Variants in SAMD13 observed in about 807,000 individuals in gnomAD.
The protein encoded by SAMD13 is sterile alpha motif domain-containing protein 13.
In SAMD13, 9 loss-of-function variants were observed where a neutral mutation model predicts 12.4. The observed-to-expected ratio is 0.72, with a 90% CI of 0.44 to 1.26. SAMD13 has a LOEUF of 1.26. Ranked by LOEUF, SAMD13 falls within the 50% of genes most tolerant of loss-of-function variation. The pLI is 0.00. For missense variants in SAMD13, 84 were observed against 119.6 expected, an observed-to-expected ratio of 0.70 and a Z score of 1.39; for synonymous variants, 46 against 45.4, an observed-to-expected ratio of 1.01 and a Z score of -0.05.
At chr1:84,314,371 G>A (rs1272340582) in intron 2 of SAMD13, among the ~76,000 whole-genome samples, 4 of 152,116 alleles carry the variant, frequency 2.6e-5, no homozygotes, top group Non-Finnish European at 4.4e-5. Flanking sequence ...ATGGGAAACC[G>A]ATTGAAGTAA....
intron 2 of SAMD13, among the ~76,000 whole-genome samples, chr1:84,305,693 G>A (rs975695790): frequency 2.0e-5 from 3 of 152,126 alleles, no homozygotes; most frequent in Non-Finnish European, 2.9e-5. Flanking sequence ...TGAGATAAGG[G>A]TTTGAAGGGT....
Position 84,320,756 on chromosome 1 carries a change from C to A in SAMD13, c.54-4881C>A, listed in dbSNP as rs552173164. 2.0e-5 allele frequency among the ~76,000 whole-genome samples: 3 copies of A among 152,152 alleles called. No individual in the cohort carries two copies. In the South Asian group the frequency reaches 6.2e-4, roughly 32 times the overall value. ...GTGTAAAAATAAGTAACAGAATTAG[C>A]CTTATAAAAAAAGTAATGTGGCAAA... On this transcript the variant is annotated intron_variant, in intron 2 of 3. Coordinates refer to ENST00000394834, the MANE Select transcript of SAMD13 (RefSeq NM_001134663.2).
chr1:84,315,642 T>C (rs1408850676), intron 2 of SAMD13, among the ~76,000 whole-genome samples: 1 of 152,152 alleles, frequency 6.6e-6, no homozygotes, highest in African/African-American at 2.4e-5. Flanking sequence ...ATTTCAGTTG[T>C]TTCCATATCT....
Position 84,350,614 on chromosome 1 carries a change from A to C in SAMD13, c.*840A>C, listed in dbSNP as rs552006168. ...ATATTTTTATATATATTCCTTCATG[A>C]TGGTGTAATTTTTTTTAATTGTCCT... On this transcript the variant is annotated 3_prime_UTR_variant, in exon 4 of 4. Coordinates refer to ENST00000394834, the MANE Select transcript of SAMD13 (RefSeq NM_001134663.2). 6.6e-6 allele frequency: 1 copy of C among 152,480 alleles called. No individual in the cohort carries two copies. The highest frequency in any genetic ancestry group is 2.1e-4 in the South Asian group (1 of 4,792). The allele number at this position is 152,480 out of a possible 1,614,324, so 9.4% of individuals were successfully genotyped here. A position where few individuals can be genotyped will look rare whatever the true frequency, so the allele number is the denominator to read the frequency against.
At position 84,349,833 on chromosome 1, in the gene SAMD13, T is replaced by A; in HGVS notation, c.*59T>A. On this transcript the variant is annotated 3_prime_UTR_variant, in exon 4 of 4. Coordinates refer to ENST00000394834, the MANE Select transcript of SAMD13 (RefSeq NM_001134663.2). ...TACATAATGACATAATTTAGTTTCA[T>A]GTAATGAAACTTTGTAAACAGAATA... 1.9e-6 allele frequency: 3 copies of A among 1,564,808 alleles called. No individual in the cohort carries two copies. Among genetic ancestry groups the A allele is most frequent in the Non-Finnish European group, 2.6e-6 (3 of 1,157,828 alleles).
rs181683738 is a variant in SAMD13, at chr1:84,337,069, C to T, written c.165+11321C>T. ...TCCCATGGTCTTGGACAGCTCTGCC[C>T]CTGTGGCTATGCAGGGTACAGCCTC... On this transcript the variant is annotated intron_variant, in intron 3 of 3. Coordinates refer to ENST00000394834, the MANE Select transcript of SAMD13 (RefSeq NM_001134663.2). Among the ~76,000 whole-genome samples the T allele has an allele frequency of 2.3e-3, 350 of 152,308 alleles. 1 individual carries two copies. Among genetic ancestry groups the T allele is most frequent in the African/African-American group, 7.3e-3 (304 of 41,558 alleles).
chr1:84,345,057 T>C, intron 3 of SAMD13: 1 of 456,618 alleles, frequency 2.2e-6, no homozygotes, highest in Non-Finnish European at 4.4e-6. Flanking sequence ...GGACACAGGA[T>C]TTTCCACTTT....
At chr1:84,328,644 T>A (rs1201281004) in intron 3 of SAMD13, among the ~76,000 whole-genome samples, 1 of 152,176 alleles carries the variant, frequency 6.6e-6, no homozygotes, top group Non-Finnish European at 1.5e-5. Context: ...TTAACCTGCC[T>A]CTTCCATCAT....
chr1:84,331,353 A>AAAAAAAAT (rs1679179814), intron 3 of SAMD13, among the ~76,000 whole-genome samples: 1 of 104,232 alleles, frequency 9.6e-6, no homozygotes, highest in Admixed American at 1.1e-4. Context: ...AAAAAAAAAA[A>AAAAAAAAT]AAAAATTATG....
At chr1:84,342,200 T>C (rs935413042) in intron 3 of SAMD13, among the ~76,000 whole-genome samples, 5 of 152,184 alleles carry the variant, frequency 3.3e-5, no homozygotes, top group African/African-American at 4.8e-5. Context: ...AAATCTGTAG[T>C]TGCGTATCCT....
chr1:84,334,976 G>A (rs1558458904), intron 3 of SAMD13, among the ~76,000 whole-genome samples: 1 of 151,846 alleles, frequency 6.6e-6, no homozygotes, highest in Non-Finnish European at 1.5e-5. Flanking sequence ...TTGTGTGGTC[G>A]ATTTTAGAGT....
chr1:84,341,818 A>C (rs1364189634), intron 3 of SAMD13, among the ~76,000 whole-genome samples: 3 of 152,152 alleles, frequency 2.0e-5, no homozygotes, highest in Non-Finnish European at 2.9e-5. Flanking sequence ...TGACATGATA[A>C]GAAGAGGTTG....
upstream of SAMD13, among the ~76,000 whole-genome samples, chr1:84,299,174 C>T (rs1459520581): frequency 6.6e-6 from 1 of 152,004 alleles, no homozygotes; most frequent in Non-Finnish European, 1.5e-5. Context: ...GGTCGGATCC[C>T]GGGAGGCAGG....
intron 3 of SAMD13, among the ~76,000 whole-genome samples, chr1:84,338,402 GA>G (rs1679349077): frequency 6.7e-6 from 1 of 149,478 alleles, no homozygotes; most frequent in Non-Finnish European, 1.5e-5. Flanking sequence ...GGCAAAAAGA[GA>G]GAGAGCTGGT....
In SAMD13 at chr1:84,306,019, CTG is replaced by C. The variant is rs1456979674; in HGVS notation, c.53+2734_53+2735del. ...TTCCACCAAATTTTTTTTTGAAAAT[CTG>C]TTGACATTTTGACTGGCATTGCATT... On this transcript the variant is annotated intron_variant, in intron 2 of 3. Transcript: ENST00000394834. Among the ~76,000 whole-genome samples, 3 of 151,752 alleles carry C rather than the reference CTG, an allele frequency of 2.0e-5. No individual in the cohort carries two copies. The East Asian group carries it at 5.8e-4, about 29-fold the overall frequency.
At chr1:84,335,740 G>T (rs944272378) in intron 3 of SAMD13, among the ~76,000 whole-genome samples, 2 of 152,166 alleles carry the variant, frequency 1.3e-5, no homozygotes, top group Admixed American at 6.5e-5. Context: ...GGCAGGTCTA[G>T]TGGTAACTAA....
upstream of SAMD13, chr1:84,299,677 T>TATTTA: frequency 6.3e-6 from 2 of 318,406 alleles, no homozygotes; most frequent in Non-Finnish European, 8.3e-6. Flanking sequence ...ATATATATAT[T>TATTTA]TATTTATTTA....
At chr1:84,302,337 C>CTTT (rs34069417) in intron 1 of SAMD13, among the ~76,000 whole-genome samples, 1 of 123,166 alleles carries the variant, frequency 8.1e-6, no homozygotes, top group African/African-American at 3.0e-5. Flanking sequence ...CTGTTTCTTC[C>CTTT]TTTTTTTTTT....
At chr1:84,331,662 A>G (rs1679189128) in intron 3 of SAMD13, among the ~76,000 whole-genome samples, 1 of 152,182 alleles carries the variant, frequency 6.6e-6, no homozygotes, top group African/African-American at 2.4e-5. Flanking sequence ...TGAAATCTCA[A>G]ATAAGTGGGT....
Sources: gnomAD v4.1 joint callset for allele counts (sites outside exome capture counted in the v4.1 genomes callset) on GRCh38, gnomAD v4.1.1 for gene constraint, MANE v1.5 for transcripts, NCBI Gene and HGNC (gene_info 2026-07-23, HGNC 2026-07-21) for gene names.